DTNA: variants seen among roughly 807,000 people sequenced by gnomAD.
DTNA encodes dystrophin-related protein 3.
A neutral mutation model predicts 100.7 loss-of-function variants in DTNA; 43 were observed. The observed-to-expected ratio is 0.43, with a 90% CI of 0.33 to 0.55. The LOEUF (loss-of-function observed/expected upper bound fraction) is 0.55. Among genes scored for constraint, DTNA ranks in the 20% least tolerant of loss-of-function variants. The pLI is 0.04. For missense variants in DTNA, 798 were observed against 953.9 expected (o/e 0.84, Z 2.15); for synonymous variants, 349 against 347.9 (o/e 1.00, Z -0.04).
chr18:34,549,142 A>G (rs2045123391), intron 1 of DTNA, among the ~76,000 whole-genome samples: 1 of 151,880 alleles, frequency 6.6e-6, no homozygotes. Flanking sequence ...TCCCACTAAC[A>G]TGGTCAGCAG....
At chr18:34,512,708 T>G (rs767350632) in intron 1 of DTNA, among the ~76,000 whole-genome samples, 4 of 152,056 alleles carry the variant, frequency 2.6e-5, no homozygotes, top group Non-Finnish European at 4.4e-5. Context: ...TTGCTGAGCA[T>G]AGAAAACTTT....
Position 34,811,260 on chromosome 18 carries a change from A to G in DTNA, c.449-699A>G, listed in dbSNP as rs146349025. Among the ~76,000 whole-genome samples the G allele has an allele frequency of 8.6e-3, 1,315 of 152,328 alleles. 20 individuals carry two copies. The highest frequency in any genetic ancestry group is 0.03 in the African/African-American group (1,262 of 41,570). Reference sequence around the variant, plus strand: ...TGAAGAACAGTGGTTCAGTGAAGCCATAGGCCCTTCAGAGAAAGATCCAGG... The same window carrying G: ...TGAAGAACAGTGGTTCAGTGAAGCCGTAGGCCCTTCAGAGAAAGATCCAGG... On this transcript the variant is annotated intron_variant, in intron 5 of 22. Coordinates refer to ENST00000444659, the MANE Select transcript of DTNA (RefSeq NM_001386795.1).
At chr18:34,655,952 T>C (rs1024778647) in intron 1 of DTNA, among the ~76,000 whole-genome samples, 2 of 152,224 alleles carry the variant, frequency 1.3e-5, no homozygotes, top group African/African-American at 4.8e-5. Flanking sequence ...CCCTTTTAAA[T>C]GAGCACAAAA....
chr18:34,606,288 G>A (rs1177463290), intron 1 of DTNA, among the ~76,000 whole-genome samples: 1 of 152,072 alleles, frequency 6.6e-6, no homozygotes. Flanking sequence ...TAAAGTCTAT[G>A]TTGTCTCTTA....
intron 7 of DTNA, 165 bp from the exon 8 acceptor site, chr18:34,817,999 T>A (rs2095633587): frequency 6.6e-7 from 1 of 1,519,208 alleles, no homozygotes; most frequent in South Asian, 1.2e-5. Context: ...TGAAAAGGGT[T>A]GTAAGATTCC....
chr18:34,524,333 A>G (rs963552941), intron 1 of DTNA, among the ~76,000 whole-genome samples: 11 of 152,182 alleles, frequency 7.2e-5, no homozygotes, highest in South Asian at 2.1e-4. Flanking sequence ...TGGAAATGCT[A>G]TGTTCTTATT....
At chr18:34,790,665 G>A (rs998765592) in intron 3 of DTNA, among the ~76,000 whole-genome samples, 1 of 144,514 alleles carries the variant, frequency 6.9e-6, no homozygotes, top group Non-Finnish European at 1.5e-5. Context: ...TCCGCCTCCC[G>A]GCTTCACGCC....
At chr18:34,622,743 C>T (rs192487808) in intron 1 of DTNA, among the ~76,000 whole-genome samples, 1 of 152,284 alleles carries the variant, frequency 6.6e-6, no homozygotes, top group Admixed American at 6.5e-5. Flanking sequence ...TACGTTATTC[C>T]TCGTGCCCCT....
In DTNA at chr18:34,594,761, G is replaced by A. The variant is rs139782870; in HGVS notation, c.-2+101247G>A. ...GTGAGGCCAAGCAAATGTGAAGTTG[G>A]CAGAGCTCAGTTCTGATGCCCCTTT... On this transcript the variant is annotated intron_variant, in intron 1 of 19. Coordinates refer to the DTNA transcript ENST00000283365. 1.3e-3 allele frequency among the ~76,000 whole-genome samples: 195 copies of A among 152,222 alleles called. 1 individual carries two copies. The Middle Eastern group carries it at 0.034, about 27-fold the overall frequency.
At chr18:34,556,522 C>T (rs1393378488) in intron 1 of DTNA, among the ~76,000 whole-genome samples, 1 of 151,920 alleles carries the variant, frequency 6.6e-6, no homozygotes, top group Non-Finnish European at 1.5e-5. Context: ...TTGTTCCTTT[C>T]CATGTTTAGT....
At chr18:34,592,460 C>T (rs2049832888) in intron 1 of DTNA, among the ~76,000 whole-genome samples, 1 of 114,746 alleles carries the variant, frequency 8.7e-6, no homozygotes, top group South Asian at 3.0e-4. Context: ...TAGATATACA[C>T]TTGTATAACA....
intron 1 of DTNA, among the ~76,000 whole-genome samples, chr18:34,510,069 T>TTGTGTGTGTGTGTG (rs35805954): frequency 5.5e-5 from 8 of 144,960 alleles, no homozygotes; most frequent in Admixed American, 2.1e-4. Flanking sequence ...GAGTGTAATT[T>TTGTGTGTGTGTGTG]TGTGTGTGTG....
chr18:34,543,110 C>G (rs1311567714), intron 1 of DTNA, among the ~76,000 whole-genome samples: 1 of 151,976 alleles, frequency 6.6e-6, no homozygotes, highest in Non-Finnish European at 1.5e-5. Context: ...ATTAATCTCA[C>G]TTGTAGCTTT....
intron 11 of DTNA, among the ~76,000 whole-genome samples, chr18:34,837,517 A>G (rs560517428): frequency 1.3e-5 from 2 of 152,246 alleles, no homozygotes; most frequent in South Asian, 4.1e-4. Flanking sequence ...TTGTATTAAT[A>G]TAAACATAAG....
chr18:34,751,290 A>G (rs1282446346), intron 1 of DTNA, among the ~76,000 whole-genome samples: 1 of 152,226 alleles, frequency 6.6e-6, no homozygotes, highest in Non-Finnish European at 1.5e-5. Flanking sequence ...CACTCCTGAA[A>G]CACAGAAGTA....
rs199983981 is a variant in DTNA at position 34,820,818 on chromosome 18, G to A, written c.904G>A (p.Ala302Thr). The change falls in exon 9 of 23, where the codon GCA (alanine) becomes ACA (threonine). Residue 302 changes from alanine (A) to threonine (T), a missense_variant. This residue lies in a region of DTNA where 93 missense variants were observed against 90.5 expected (regional missense o/e 1.03). Coordinates refer to ENST00000444659, the MANE Select transcript of DTNA (RefSeq NM_001386795.1). ...ATCACCTGCTAAGAAGCTGACTAATGCATTAAGCAAGTCCCTGAGCTGTGC... is the reference window on the plus strand; with the variant it reads ...ATCACCTGCTAAGAAGCTGACTAATACATTAAGCAAGTCCCTGAGCTGTGC... ...WKSPAKKLTN[A>T]LSKSLSCASS... The A allele has an allele frequency of 1.6e-5, 26 of 1,613,996 alleles. No individual in the cohort carries two copies. Among genetic ancestry groups the A allele is most frequent in the Non-Finnish European group, 1.9e-5 (23 of 1,180,010 alleles).
intron 13 of DTNA, among the ~76,000 whole-genome samples, chr18:34,846,729 C>A (rs2096386042): frequency 6.6e-6 from 1 of 152,048 alleles, no homozygotes; most frequent in Non-Finnish European, 1.5e-5. Context: ...TTGGAAGTGA[C>A]ATAGCCAAAA....
chr18:34,524,622 C>T (rs1380850750), intron 1 of DTNA, among the ~76,000 whole-genome samples: 3 of 152,136 alleles, frequency 2.0e-5, no homozygotes, highest in African/African-American at 7.2e-5. Context: ...ATATCCATTA[C>T]TGGATTTGGA....
intron 1 of DTNA, among the ~76,000 whole-genome samples, chr18:34,517,786 C>A (rs1407599863): frequency 6.6e-6 from 1 of 152,066 alleles, no homozygotes; most frequent in African/African-American, 2.4e-5. Context: ...ATAGTTCATT[C>A]CTTTTAATTT....
Sources: gnomAD v4.1 joint callset for allele counts (sites outside exome capture counted in the v4.1 genomes callset) on GRCh38, gnomAD v4.1.1 for gene constraint, gnomAD v4.1.1 regional missense constraint, MANE v1.5 for transcripts, NCBI Gene and HGNC (gene_info 2026-07-23, HGNC 2026-07-21) for gene names.